Variants in CSMD2 observed in about 807,000 individuals in gnomAD.
CSMD2 encodes CUB and Sushi multiple domains 2.
Under a neutral mutation model 398.5 loss-of-function variants are expected in CSMD2, and 130 were observed. The ratio of observed to expected loss-of-function variants is 0.33; its 90% CI spans 0.28 to 0.38. The LOEUF (loss-of-function observed/expected upper bound fraction) is 0.38, where lower values mean the gene tolerates loss of function less well. CSMD2 is among the 10% of genes least tolerant of loss of function. The probability of loss-of-function intolerance (pLI) is 1.00; values close to 1 mark genes in which losing one functional copy is unlikely to be tolerated. For synonymous variants in CSMD2, 1,828 were observed against 1,908.5 expected, an observed-to-expected ratio of 0.96 and a Z score of 1.10; for missense variants, 3,829 against 4,764.9, an observed-to-expected ratio of 0.80 and a Z score of 5.78.
chr1:34,086,151 T>C (rs892115292), intron 2 of CSMD2, among the ~76,000 whole-genome samples: 4 of 152,152 alleles, frequency 2.6e-5, no homozygotes, highest in Non-Finnish European at 5.9e-5. Flanking sequence ...AGAATTTGCC[T>C]CTAGCTGTCC....
intron 55 of CSMD2, among the ~76,000 whole-genome samples, chr1:33,552,073 C>T (rs1442963044): frequency 6.6e-6 from 1 of 152,128 alleles, no homozygotes; most frequent in East Asian, 1.9e-4. Flanking sequence ...CTAAACCCTG[C>T]CAGAATTGCC....
intron 6 of CSMD2, among the ~76,000 whole-genome samples, chr1:33,841,641 G>GAAA (rs10628548): frequency 2.7e-5 from 4 of 149,560 alleles, no homozygotes; most frequent in Non-Finnish European, 4.4e-5. Context: ...TACCAGAACT[G>GAAA]AAAAAAAAAA....
intron 5 of CSMD2, among the ~76,000 whole-genome samples, chr1:33,876,609 T>TGGA: frequency 6.6e-6 from 1 of 152,198 alleles, no homozygotes. Flanking sequence ...GGTGAGAAGA[T>TGGA]GGAGACACAG....
chr1:33,665,460 C>CTTTTT lies in CSMD2; in HGVS notation c.4053-2373_4053-2369dup, dbSNP rs745495781. On this transcript the variant is annotated intron_variant, in intron 25 of 70. Coordinates refer to ENST00000373381, the MANE Select transcript of CSMD2 (RefSeq NM_001281956.2). ...GACTTGTATAGTTTCTTTCTTCTCTCTTTTTTTTTTTTTTTTTTTTTTTTT... is the reference window on the plus strand; with the variant it reads ...GACTTGTATAGTTTCTTTCTTCTCTCTTTTTTTTTTTTTTTTTTTTTTTTTTTTTT... 3.4e-4 allele frequency among the ~76,000 whole-genome samples: 25 copies of CTTTTT among 73,918 alleles called. 1 individual carries two copies. The highest frequency in any genetic ancestry group is 4.4e-4 in the African/African-American group (8 of 18,092). The allele number at this position is 73,918 out of a possible 152,430, so 48.5% of individuals were successfully genotyped here.
At chr1:33,740,377 T>C (rs957049061) in intron 14 of CSMD2, among the ~76,000 whole-genome samples, 1 of 152,084 alleles carries the variant, frequency 6.6e-6, no homozygotes, top group Admixed American at 6.6e-5. Flanking sequence ...CCAGGATCCA[T>C]GGCTGCATGG....
At position 34,118,711 on chromosome 1, in the gene CSMD2, G is replaced by A. The variant is rs540985568; in HGVS notation, c.188-29518C>T. Among the ~76,000 whole-genome samples the A allele has an allele frequency of 1.9e-4, 29 of 152,220 alleles. No homozygotes were observed. In the South Asian group the frequency reaches 5.0e-3, roughly 26 times the overall value. ...AAAGGAATAAAATACTTAGAAATAC[G>A]CTTTACTGAGGAGGCAAAAGACTTG... On this transcript the variant is annotated intron_variant, in intron 1 of 70. Coordinates refer to ENST00000373381, the MANE Select transcript of CSMD2 (RefSeq NM_001281956.2).
chr1:34,094,187 A>C (rs377097554), intron 1 of CSMD2, among the ~76,000 whole-genome samples: 1 of 151,298 alleles, frequency 6.6e-6, no homozygotes, highest in African/African-American at 2.4e-5. Context: ...GAAATAAAAT[A>C]CTTTACAGAC....
chr1:33,542,944 C>A, intron 57 of CSMD2, 48 bp from the exon 58 acceptor site: 2 of 1,553,204 alleles, frequency 1.3e-6, no homozygotes, highest in Non-Finnish European at 1.8e-6. Flanking sequence ...TGGTGGGTAT[C>A]ACCTAGGGGA....
At chr1:34,020,906 T>C (rs12092202) in intron 3 of CSMD2, among the ~76,000 whole-genome samples, 17,442 of 152,074 alleles carry the variant, frequency 0.11, 1,087 homozygotes, top group East Asian at 0.19. Flanking sequence ...GCAGCTTGTA[T>C]GAGGATAAAG....
intron 13 of CSMD2, among the ~76,000 whole-genome samples, chr1:33,746,947 C>A (rs1647466132): frequency 6.6e-6 from 1 of 152,154 alleles, no homozygotes; most frequent in South Asian, 2.1e-4. Context: ...TGTGCTGTAA[C>A]CCTGCATGTA....
intron 13 of CSMD2, among the ~76,000 whole-genome samples, chr1:33,763,870 GT>G (rs939235014): frequency 1.3e-5 from 2 of 152,144 alleles, no homozygotes; most frequent in African/African-American, 4.8e-5. Flanking sequence ...GGCCCACTCA[GT>G]TTTAGGATCT....
intron 1 of CSMD2, among the ~76,000 whole-genome samples, chr1:34,093,113 C>A (rs2148382809): frequency 6.6e-6 from 1 of 152,284 alleles, no homozygotes; most frequent in East Asian, 1.9e-4. Context: ...GACCCCCGAG[C>A]AGCCTAACTG....
At chr1:33,592,823 C>T (rs1639560244) in intron 44 of CSMD2, among the ~76,000 whole-genome samples, 1 of 151,988 alleles carries the variant, frequency 6.6e-6, no homozygotes, top group African/African-American at 2.4e-5. Context: ...GTGGTGGGTG[C>T]CTGTAGTCCC....
chr1:33,858,018 A>C (rs1483260356), intron 5 of CSMD2, among the ~76,000 whole-genome samples: 1 of 152,124 alleles, frequency 6.6e-6, no homozygotes, highest in East Asian at 1.9e-4. Context: ...GCATCCCCCA[A>C]CCAGGCTGAT....
intron 3 of CSMD2, among the ~76,000 whole-genome samples, chr1:33,986,173 C>T (rs955620918): frequency 1.3e-5 from 2 of 152,170 alleles, no homozygotes; most frequent in African/African-American, 4.8e-5. Flanking sequence ...TATTTATGCC[C>T]AATAATCCCT....
chr1:33,837,175 GGAAATCAGCCAT>G (rs1660381066), intron 6 of CSMD2, among the ~76,000 whole-genome samples: 1 of 152,058 alleles, frequency 6.6e-6, no homozygotes, highest in African/African-American at 2.4e-5. Context: ...CAGCACCATG[GGAAATCAGCCAT>G]GAAATAAGCT....
chr1:33,783,317 T>C (rs1453870408), intron 12 of CSMD2, among the ~76,000 whole-genome samples: 2 of 152,092 alleles, frequency 1.3e-5, no homozygotes, highest in African/African-American at 4.8e-5. Flanking sequence ...TGTGACTGTA[T>C]TTGAAGATGG....
chr1:33,608,649 C>T (rs1016244619), intron 41 of CSMD2, among the ~76,000 whole-genome samples: 2 of 152,092 alleles, frequency 1.3e-5, no homozygotes, highest in African/African-American at 4.8e-5. Flanking sequence ...GAGACAGAGG[C>T]ACATGAAGAG....
chr1:33,819,853 T>C lies in CSMD2; in HGVS notation c.1200-16A>G. ...GGATCCTAACCTGGGAGACAAAGTGTGTCTGTGAGCTCCATCCCTGGGCCT... is the reference window on the plus strand; with the variant it reads ...GGATCCTAACCTGGGAGACAAAGTGCGTCTGTGAGCTCCATCCCTGGGCCT... On this transcript the variant is annotated splice_polypyrimidine_tract_variant and intron_variant, in intron 8 of 70. Coordinates refer to ENST00000373381, the MANE Select transcript of CSMD2 (RefSeq NM_001281956.2). 6.2e-7 allele frequency: 1 copy of C among 1,613,758 alleles called. No individual in the cohort carries two copies. Among genetic ancestry groups the C allele is most frequent in the Non-Finnish European group, 8.5e-7 (1 of 1,179,816 alleles).
Sources: allele counts gnomAD v4.1 joint callset (sites outside exome capture counted in the v4.1 genomes callset), GRCh38; gene constraint gnomAD v4.1.1; transcripts MANE v1.5; gene names NCBI Gene and HGNC (gene_info 2026-07-23, HGNC 2026-07-21).